Variants in TSPAN18 observed in about 807,000 individuals in gnomAD.
TSPAN18 encodes tetraspanin-18.
Under a neutral mutation model 27.3 loss-of-function variants are expected in TSPAN18, and 14 were observed. The ratio of observed to expected loss-of-function variants is 0.51; its 90% CI spans 0.34 to 0.80. The LOEUF (loss-of-function observed/expected upper bound fraction) is 0.80, where lower values mean the gene tolerates loss of function less well. Ranked by LOEUF, TSPAN18 falls within the 30% of genes least tolerant of loss-of-function variation. TSPAN18 has a pLI of 0.01. For missense variants in TSPAN18, 268 were observed against 323.9 expected (o/e 0.83, Z 1.32); for synonymous variants, 143 against 136.5 (o/e 1.05, Z -0.33).
At chr11:44,887,950 G>A (rs1858714340) in intron 3 of TSPAN18, among the ~76,000 whole-genome samples, 1 of 152,168 alleles carries the variant, frequency 6.6e-6, no homozygotes, top group Admixed American at 6.5e-5. Flanking sequence ...GCATATTTTG[G>A]GATGGATTAT....
intron 2 of TSPAN18, among the ~76,000 whole-genome samples, chr11:44,821,095 T>TA (rs1318182020): frequency 6.6e-6 from 1 of 152,204 alleles, no homozygotes; most frequent in Non-Finnish European, 1.5e-5. Context: ...AGGCACTCAA[T>TA]AAAATGTTAA....
At chr11:44,912,871 T>C (rs936025158) in intron 5 of TSPAN18, among the ~76,000 whole-genome samples, 1 of 134,806 alleles carries the variant, frequency 7.4e-6, no homozygotes, top group Non-Finnish European at 1.6e-5. Flanking sequence ...TATATATGCA[T>C]GTGCACATGT....
intron 3 of TSPAN18, among the ~76,000 whole-genome samples, chr11:44,861,098 C>G (rs934620625): frequency 2.0e-5 from 3 of 152,100 alleles, no homozygotes; most frequent in African/African-American, 7.2e-5. Context: ...AGGACCGTAT[C>G]TCACCACATC....
chr11:44,926,653 C>T, intron 8 of TSPAN18, 21 bp from the exon 9 acceptor site: 1 of 1,612,162 alleles, frequency 6.2e-7, no homozygotes, highest in Non-Finnish European at 8.5e-7. Flanking sequence ...CATAGCTTGA[C>T]CTCTCATCCC....
intron 2 of TSPAN18, among the ~76,000 whole-genome samples, chr11:44,775,441 C>A (rs12224193): frequency 6.6e-6 from 1 of 152,172 alleles, no homozygotes; most frequent in Non-Finnish European, 1.5e-5. Flanking sequence ...TAACTTGAAT[C>A]GCTCCTGTTC....
intron 3 of TSPAN18, among the ~76,000 whole-genome samples, chr11:44,888,038 C>G (rs1361269218): frequency 6.6e-6 from 1 of 152,160 alleles, no homozygotes; most frequent in Non-Finnish European, 1.5e-5. Flanking sequence ...TGAGGCAGCT[C>G]CTGCCCCACT....
Position 44,930,834 on chromosome 11 carries a change from C to G in TSPAN18, c.*1656C>G. 2.0e-6 allele frequency: 1 copy of G among 496,158 alleles called. No homozygotes were observed. Among genetic ancestry groups the G allele is most frequent in the South Asian group, 1.5e-5 (1 of 66,280 alleles). 30.7% of individuals were successfully genotyped at this position (496,158 alleles called of 1,614,324 possible). On this transcript the variant is annotated 3_prime_UTR_variant, in exon 10 of 10. Transcript: ENST00000520358. Reference sequence around the variant, plus strand: ...TGGAAGGAGCAGTGTGATGTCTGCTCTCTTCTCTCCCCTCTGTCCCTCTTC... The same window carrying G: ...TGGAAGGAGCAGTGTGATGTCTGCTGTCTTCTCTCCCCTCTGTCCCTCTTC...
intron 1 of TSPAN18, among the ~76,000 whole-genome samples, chr11:44,738,229 G>A (rs1054151319): frequency 9.2e-5 from 14 of 152,234 alleles, no homozygotes; most frequent in South Asian, 6.2e-4. Context: ...GTAATCCTCC[G>A]TGTTCTTTGG....
chr11:44,853,781 C>G (rs1857661026), intron 2 of TSPAN18, among the ~76,000 whole-genome samples: 1 of 152,106 alleles, frequency 6.6e-6, no homozygotes, highest in Non-Finnish European at 1.5e-5. Flanking sequence ...AGGAGAGGAC[C>G]AGGGCTTCAC....
upstream of TSPAN18, chr11:44,726,440 A>T (rs1854502967): frequency 6.6e-6 from 1 of 152,236 alleles, no homozygotes; most frequent in Admixed American, 6.5e-5. Context: ...ACCTGGGGTC[A>T]GGCCCCTCCA....
At chr11:44,861,403 C>T (rs886168987) in intron 3 of TSPAN18, among the ~76,000 whole-genome samples, 1 of 122,906 alleles carries the variant, frequency 8.1e-6, no homozygotes, top group Non-Finnish European at 1.7e-5. Flanking sequence ...TGGTGGGGTG[C>T]GGGTGGTGCT....
chr11:44,835,624 C>T (rs1565170925), intron 2 of TSPAN18, among the ~76,000 whole-genome samples: 1 of 149,252 alleles, frequency 6.7e-6, no homozygotes. Context: ...TTGTATTTTA[C>T]TGTGGGGGGC....
At chr11:44,926,804 C>T (rs376099013) in intron 9 of TSPAN18, 47 bp downstream of exon 9, 129 of 1,589,632 alleles carry the variant, frequency 8.1e-5, no homozygotes, top group Middle Eastern at 5.0e-4. Context: ...TGAAGCCTCA[C>T]GTGGAGCCTA....
chr11:44,744,877 C>T (rs985952958), intron 1 of TSPAN18, among the ~76,000 whole-genome samples: 8 of 152,224 alleles, frequency 5.3e-5, no homozygotes, highest in East Asian at 1.9e-4. Context: ...CAACGCTGAT[C>T]GATTTGTAGG....
intron 4 of TSPAN18, among the ~76,000 whole-genome samples, chr11:44,908,769 G>GAAAGAAAGAAAAAGAA (rs1554938043): frequency 5.0e-4 from 36 of 71,686 alleles, no homozygotes; most frequent in East Asian, 3.5e-3. Flanking sequence ...AGAGAGAAAG[G>GAAAGAAAGAAAAAGAA]AGAAAGAAAG....
At chr11:44,887,378 A>G (rs1377872073) in intron 3 of TSPAN18, among the ~76,000 whole-genome samples, 1 of 152,206 alleles carries the variant, frequency 6.6e-6, no homozygotes, top group Non-Finnish European at 1.5e-5. Context: ...TGCTGACTGT[A>G]CTCAAAGAGC....
rs114312977 is a variant in TSPAN18, at chr11:44,884,796, G to A, written c.-10-21611G>A. On this transcript the variant is annotated intron_variant, in intron 3 of 9. Coordinates refer to ENST00000520358, the MANE Select transcript of TSPAN18 (RefSeq NM_130783.5). ...GCAGAGACTTGCCAGAAGCTGCACA[G>A]CCACATGGGGCTTGAACCCAGCTTT... Among the ~76,000 whole-genome samples, 1,114 of 152,354 alleles carry A rather than the reference G, an allele frequency of 7.3e-3. 12 individuals carry two copies. Among genetic ancestry groups the A allele is most frequent in the African/African-American group, 0.024 (1,007 of 41,582 alleles).
chr11:44,814,651 A>AATCC (rs545778262), intron 2 of TSPAN18, among the ~76,000 whole-genome samples: 37 of 146,660 alleles, frequency 2.5e-4, no homozygotes, highest in Admixed American at 6.1e-4. Flanking sequence ...TTGGTGGTAG[A>AATCC]ATCCATCCAT....
In TSPAN18 at chr11:44,770,163, T is replaced by C. The variant is rs781749196; in HGVS notation, c.-153+5651T>C. On this transcript the variant is annotated intron_variant, in intron 2 of 9. Transcript: ENST00000520358. ...GAATGAAATAGCAGAGTCTCTGCCCTTATGGAGCTTGCCTTCTGGTTGAGG... is the reference window on the plus strand; with the variant it reads ...GAATGAAATAGCAGAGTCTCTGCCCCTATGGAGCTTGCCTTCTGGTTGAGG... Among the ~76,000 whole-genome samples the C allele has an allele frequency of 4.3e-4, 65 of 152,326 alleles. No individual in the cohort carries two copies. In the South Asian group the frequency reaches 5.4e-3, roughly 13 times the overall value.
Sources: gnomAD v4.1 joint callset for allele counts (sites outside exome capture counted in the v4.1 genomes callset) on GRCh38, gnomAD v4.1.1 for gene constraint, MANE v1.5 for transcripts, NCBI Gene and HGNC (gene_info 2026-07-23, HGNC 2026-07-21) for gene names.